The following DPY30 variants were observed in gnomAD, a reference collection of about 807,000 sequenced individuals.
DPY30 encodes the protein protein dpy-30 homolog.
A neutral mutation model predicts 16.2 loss-of-function variants in DPY30; 6 were observed. The observed-to-expected ratio is 0.37, with a 90% CI of 0.20 to 0.73. The LOEUF (loss-of-function observed/expected upper bound fraction) is 0.73. DPY30 is among the 30% of genes least tolerant of loss of function. The pLI is 0.51. For missense variants in DPY30, 73 were observed against 113.1 expected (o/e 0.65, Z 1.61); for synonymous variants, 39 against 38.8 (o/e 1.00, Z -0.02).
intron 5 of DPY30, among the ~76,000 whole-genome samples, chr2:32,014,516 C>T (rs1364831156): frequency 6.6e-6 from 1 of 150,574 alleles, no homozygotes; most frequent in East Asian, 2.0e-4. Context: ...CGGAGTCTCG[C>T]TCTGTTGCCC....
chr2:32,020,182 G>A (rs2148652797), downstream of DPY30, among the ~76,000 whole-genome samples: 1 of 152,060 alleles, frequency 6.6e-6, no homozygotes, highest in East Asian at 1.9e-4. Flanking sequence ...CTCCAGCCTG[G>A]GTGACAGAGC....
chr2:32,029,686 C>A lies in DPY30; in HGVS notation c.135G>T (p.Lys45Asn). 7 of 1,614,086 alleles carry A rather than the reference C, an allele frequency of 4.3e-6. No individual in the cohort carries two copies. Among genetic ancestry groups the A allele is most frequent in the Non-Finnish European group, 5.9e-6 (7 of 1,179,988 alleles). ...GAGTTGGCAAAGACTGGAGATCTAC[C>A]TTCTGCTTTGATGACTTTTCTGCAT... ...KINAEKSSKQ[K>N]VDLQSLPTRA... The change falls in exon 4 of 5, where the codon AAG (lysine) becomes AAT (asparagine). Residue 45 changes from lysine to asparagine, a missense_variant. Lys to Asn is a moderately conservative substitution (Grantham distance 94). Transcript: ENST00000342166.
intron 5 of DPY30, among the ~76,000 whole-genome samples, chr2:32,014,544 T>C (rs1370043618): frequency 6.6e-6 from 1 of 150,746 alleles, no homozygotes; most frequent in Non-Finnish European, 1.5e-5. Context: ...AGTGCAGTGG[T>C]GCGGTCTCGG....
chr2:32,014,024 A>G (rs535402636), intron 5 of DPY30, among the ~76,000 whole-genome samples: 5 of 151,480 alleles, frequency 3.3e-5, no homozygotes, highest in African/African-American at 1.2e-4. Context: ...GAAAGAGAGA[A>G]AGAGAGAGAC....
chr2:32,038,983 A>G (rs1675861202), intron 3 of DPY30, among the ~76,000 whole-genome samples: 1 of 152,162 alleles, frequency 6.6e-6, no homozygotes, highest in African/African-American at 2.4e-5. Context: ...GTTTTTACGT[A>G]GCAACATCCC....
chr2:32,015,266 C>G (rs1451766399), intron 5 of DPY30, among the ~76,000 whole-genome samples: 2 of 152,056 alleles, frequency 1.3e-5, no homozygotes, highest in African/African-American at 4.8e-5. Flanking sequence ...TTGAACAAAT[C>G]AAGAGAAGAG....
At chr2:32,037,719 G>A (rs1242490963) in intron 3 of DPY30, among the ~76,000 whole-genome samples, 2 of 151,828 alleles carry the variant, frequency 1.3e-5, no homozygotes, top group Non-Finnish European at 2.9e-5. Flanking sequence ...CACCACGCCT[G>A]GCTAATTTTT....
chr2:32,030,397 G>A (rs1466017941), intron 3 of DPY30, among the ~76,000 whole-genome samples: 3 of 152,062 alleles, frequency 2.0e-5, no homozygotes, highest in African/African-American at 7.2e-5. Context: ...TTGGGAGGCC[G>A]AGGCGGGCAG....
intron 1 of DPY30, 41 bp from the exon 2 acceptor site, chr2:32,039,533 C>T: frequency 6.2e-7 from 1 of 1,603,554 alleles, no homozygotes; most frequent in South Asian, 1.1e-5. Context: ...TGGGAGATTT[C>T]AACACGAAGA....
intron 3 of DPY30, among the ~76,000 whole-genome samples, chr2:32,037,469 C>A (rs1306751235): frequency 6.6e-6 from 1 of 151,952 alleles, no homozygotes; most frequent in Non-Finnish European, 1.5e-5. Context: ...TCACACCCAG[C>A]TAATTTTTCT....
chr2:32,020,415 G>A (rs1454538893), downstream of DPY30, among the ~76,000 whole-genome samples: 1 of 151,974 alleles, frequency 6.6e-6, no homozygotes, highest in African/African-American at 2.4e-5. Flanking sequence ...GGAAGGCTAA[G>A]GCAAGAAGCT....
chr2:32,012,410 C>CTT (rs1558579364), intron 5 of DPY30, among the ~76,000 whole-genome samples: 29 of 143,342 alleles, frequency 2.0e-4, no homozygotes, highest in African/African-American at 4.1e-4. Flanking sequence ...CAAAACCTCT[C>CTT]TCTTTTTTCT....
chr2:32,014,834 G>A (rs2087585471), intron 5 of DPY30, among the ~76,000 whole-genome samples: 1 of 151,712 alleles, frequency 6.6e-6, no homozygotes, highest in Admixed American at 6.6e-5. Flanking sequence ...CTATATACTA[G>A]TATGGAAAGA....
rs1207959662 is a variant in DPY30, at chr2:32,039,757, A to G, written c.-61T>C. 2 of 521,004 alleles carry G rather than the reference A, an allele frequency of 3.8e-6. No individual in the cohort carries two copies. Among genetic ancestry groups the G allele is most frequent in the Non-Finnish European group, 6.9e-6 (2 of 288,074 alleles). The allele number at this position is 521,004 out of a possible 1,614,324, so 32.3% of individuals were successfully genotyped here. A position where few individuals can be genotyped will look rare whatever the true frequency, so the allele number is the denominator to read the frequency against. On this transcript the variant is annotated 5_prime_UTR_variant, in exon 1 of 5. Transcript: ENST00000342166. ...CCCGCGCCCAAGCCGTTCGTTCTTA[A>G]GAGCCCTGCACCGCGCCACCAGCTC...
At position 32,039,300 on chromosome 2, in the gene DPY30, G is replaced by A. The variant is rs1388051928; in HGVS notation, c.63C>T (p.Tyr21=). The A allele has an allele frequency of 6.2e-7, 1 of 1,614,096 alleles. No homozygotes were observed. The highest frequency in any genetic ancestry group is 1.7e-5 in the Admixed American group (1 of 60,006). Residue 21 remains tyrosine (Y), a synonymous_variant, in exon 3 of 5, where the codon TAC becomes TAT. Transcript: ENST00000342166. ...TQVAENPHSE[Y]GLTDNVERIV... ...TTACCTCAACGTTGTCTGTGAGACC[G>A]TACTCAGAGTGAGGATTTTCTGCAA...
intron 4 of DPY30, 147 bp from the exon 5 acceptor site, chr2:32,024,403 G>A (rs1328064492): frequency 3.1e-6 from 2 of 651,924 alleles, no homozygotes; most frequent in Non-Finnish European, 5.1e-6. Flanking sequence ...AAATAAATGA[G>A]ATAAGCAAGC....
At chr2:32,039,127 G>C in intron 3 of DPY30, 152 bp downstream of exon 3, 1 of 886,280 alleles carries the variant, frequency 1.1e-6, no homozygotes, top group Non-Finnish European at 1.8e-6. Context: ...CATTAGTACT[G>C]CTAATAAAAC....
downstream of DPY30, among the ~76,000 whole-genome samples, chr2:32,019,961 CAT>C (rs201249564): frequency 5.5e-5 from 8 of 146,526 alleles, no homozygotes; most frequent in East Asian, 2.0e-4. Context: ...AAAACATATA[CAT>C]ATATATATAT....
chr2:32,034,263 G>T (rs1281420781), intron 3 of DPY30, among the ~76,000 whole-genome samples: 1 of 152,124 alleles, frequency 6.6e-6, no homozygotes, highest in Non-Finnish European at 1.5e-5. Flanking sequence ...ACCTGAGGGT[G>T]GGTAATTTAT....
Sources: allele counts gnomAD v4.1 joint callset (sites outside exome capture counted in the v4.1 genomes callset), GRCh38; gene constraint gnomAD v4.1.1; transcripts MANE v1.5; gene names NCBI Gene and HGNC (gene_info 2026-07-23, HGNC 2026-07-21).